LINGO1: variants seen among roughly 807,000 people sequenced by gnomAD.
The protein encoded by LINGO1 is leucine rich repeat and Ig domain containing 1.
Under a neutral mutation model 37.3 loss-of-function variants are expected in LINGO1, and 11 were observed. That is an observed-to-expected ratio of 0.29 (90% CI 0.19 to 0.49). The LOEUF (loss-of-function observed/expected upper bound fraction) is 0.49, where lower values mean the gene tolerates loss of function less well. LINGO1 is among the 20% of genes least tolerant of loss of function. LINGO1 has a pLI of 0.99. For synonymous variants in LINGO1, 387 were observed against 403.0 expected (o/e 0.96, Z 0.48); for missense variants, 585 against 878.2 (o/e 0.67, Z 4.22).
chr15:77,681,585 C>T (rs1404410048), intron 2 of LINGO1, among the ~76,000 whole-genome samples: 7 of 152,220 alleles, frequency 4.6e-5, no homozygotes, highest in Admixed American at 2.0e-4. Context: ...TCCCTGAATG[C>T]AACATGAATC....
chr15:77,690,848 G>A (rs2075590960), exon 2 of LINGO1: 1 of 152,328 alleles, frequency 6.6e-6, no homozygotes, highest in Non-Finnish European at 1.5e-5. Flanking sequence ...GATGCAGGCT[G>A]AAGGCTGTGT....
At chr15:77,759,892 G>A (rs535484971) in intron 1 of LINGO1, among the ~76,000 whole-genome samples, 195 of 152,350 alleles carry the variant, frequency 1.3e-3, no homozygotes, top group African/African-American at 4.5e-3. Context: ...GGCCACGGCC[G>A]TGGGGAGCCT....
intron 1 of LINGO1, among the ~76,000 whole-genome samples, chr15:77,625,331 G>GC (rs1256761796): frequency 6.6e-6 from 1 of 152,160 alleles, no homozygotes; most frequent in Non-Finnish European, 1.5e-5. Flanking sequence ...GTTATTTCAA[G>GC]CCCTTTGCAT....
intron 1 of LINGO1, among the ~76,000 whole-genome samples, chr15:77,781,591 G>A (rs180747159): frequency 6.6e-6 from 1 of 152,212 alleles, no homozygotes; most frequent in African/African-American, 2.4e-5. Context: ...CCCAGTCGCT[G>A]CACGTGGTGC....
At chr15:77,721,844 G>T (rs1243232945) in intron 2 of LINGO1, among the ~76,000 whole-genome samples, 1 of 152,146 alleles carries the variant, frequency 6.6e-6, no homozygotes, top group Non-Finnish European at 1.5e-5. Context: ...GAAATGGGCA[G>T]CCTGGAGCAG....
At chr15:77,789,605 T>C (rs1391067205), upstream of LINGO1, among the ~76,000 whole-genome samples, 1 of 152,080 alleles carries the variant, frequency 6.6e-6, no homozygotes, top group Non-Finnish European at 1.5e-5. Flanking sequence ...AGACTCCATC[T>C]CAAAAAAATA....
At chr15:77,670,364 A>T (rs904693327) in intron 3 of LINGO1, among the ~76,000 whole-genome samples, 8 of 152,236 alleles carry the variant, frequency 5.3e-5, no homozygotes, top group African/African-American at 1.9e-4. Context: ...TTATATTTCA[A>T]TTTTTTAAAA....
chr15:77,684,384 T>C (rs2075467754), intron 2 of LINGO1, among the ~76,000 whole-genome samples: 1 of 152,160 alleles, frequency 6.6e-6, no homozygotes, highest in African/African-American at 2.4e-5. Flanking sequence ...AGCCAGTAAT[T>C]AGAGGGGGTA....
At chr15:77,723,515 C>A (rs914537977) in intron 2 of LINGO1, among the ~76,000 whole-genome samples, 3 of 152,210 alleles carry the variant, frequency 2.0e-5, no homozygotes, top group Non-Finnish European at 4.4e-5. Context: ...ACCTGCGCCT[C>A]TCCATCAACC....
At chr15:77,796,703 T>C in intron 1 of LINGO1, among the ~76,000 whole-genome samples, 1 of 110,408 alleles carries the variant, frequency 9.1e-6, no homozygotes, top group Non-Finnish European at 1.8e-5. Context: ...TTCCCCAGCC[T>C]CTCCTGCCTT....
At chr15:77,819,445 G>A (rs976927517) in intron 1 of LINGO1, 1 of 151,742 alleles carries the variant, frequency 6.6e-6, no homozygotes, top group African/African-American at 2.4e-5. Context: ...AGAGCGCGCA[G>A]CGTGTGCATG....
chr15:77,660,402 G>C (rs1011715893), intron 3 of LINGO1, among the ~76,000 whole-genome samples: 1 of 152,202 alleles, frequency 6.6e-6, no homozygotes, highest in Non-Finnish European at 1.5e-5. Context: ...AGGGTGCCTG[G>C]CCTGAAGCCC....
chr15:77,633,787 C>T (rs1220512840), upstream of LINGO1, among the ~76,000 whole-genome samples: 2 of 152,204 alleles, frequency 1.3e-5, no homozygotes, highest in African/African-American at 4.8e-5. Flanking sequence ...GACCTCTCCT[C>T]GGAGATCCAG....
intron 1 of LINGO1, among the ~76,000 whole-genome samples, chr15:77,780,105 G>A (rs975027940): frequency 5.9e-5 from 9 of 152,228 alleles, no homozygotes; most frequent in African/African-American, 1.7e-4. Flanking sequence ...GGCTTGAAGA[G>A]ACAGCTTCGC....
At position 77,730,575 on chromosome 15, in the gene LINGO1, C is replaced by T. The variant is rs566446527; in HGVS notation, c.-195+4417G>A. Among the ~76,000 whole-genome samples the T allele has an allele frequency of 9.8e-4, 149 of 152,346 alleles. 2 individuals are homozygous for T. In the South Asian group the frequency reaches 0.028, roughly 29 times the overall value. ...GCCTCTCTGTCCCTCTATATCCAGA[C>T]TGGTCCAGACTCTCTTTCCCTCTAG... On this transcript the variant is annotated intron_variant, in intron 2 of 3. Transcript: ENST00000561686.
At position 77,694,258 on chromosome 15, in the gene LINGO1, G is replaced by A. The variant is rs78369683; in HGVS notation, c.-281+2133C>T. Among the ~76,000 whole-genome samples, 1,498 of 152,172 alleles carry A rather than the reference G, an allele frequency of 9.8e-3. 10 individuals carry two copies. Among genetic ancestry groups the A allele is most frequent in the Non-Finnish European group, 0.015 (1,009 of 67,992 alleles). On this transcript the variant is annotated intron_variant, in intron 1 of 3. Transcript: ENST00000559893. ...ATTAGGACTTCACAGATCACAGAAC[G>A]CTCCCACCGATTCTCTACCTGGATC...
intron 1 of LINGO1, among the ~76,000 whole-genome samples, chr15:77,762,384 G>C (rs1367825401): frequency 6.6e-6 from 1 of 152,180 alleles, no homozygotes; most frequent in East Asian, 1.9e-4. Flanking sequence ...GCCGTGGAGA[G>C]GCCTCCTCCA....
intron 1 of LINGO1, among the ~76,000 whole-genome samples, chr15:77,805,960 C>A (rs1005557829): frequency 6.6e-6 from 1 of 152,204 alleles, no homozygotes. Flanking sequence ...TGACCCCACC[C>A]GGGGCTGACC....
rs141139968 is a variant in LINGO1 at position 77,692,979 on chromosome 15, C to T, written c.-280-2078G>A. 3.6e-4 allele frequency among the ~76,000 whole-genome samples: 55 copies of T among 152,284 alleles called. No individual in the cohort carries two copies. The East Asian group carries it at 0.01, about 28-fold the overall frequency. The stretch of plus-strand genomic sequence containing the variant: ...GCTTATGAGTGTGCATGAACATGGC[C>T]CACAGGGACACGTGTGTCTCCTACG... On this transcript the variant is annotated intron_variant, in intron 1 of 3. Transcript: ENST00000559893.
Sources: gnomAD v4.1 joint callset for allele counts (sites outside exome capture counted in the v4.1 genomes callset) on GRCh38, gnomAD v4.1.1 for gene constraint, MANE v1.5 for transcripts, NCBI Gene and HGNC (gene_info 2026-07-23, HGNC 2026-07-21) for gene names.